The following ZNF808 variants were observed in gnomAD, a reference collection of about 807,000 sequenced individuals.
ZNF808 encodes zinc finger protein 808.
ZNF808 carries 5 observed loss-of-function variants against 8.7 expected under a neutral mutation model. That is an observed-to-expected ratio of 0.58 (90% CI 0.30 to 1.21). The LOEUF (loss-of-function observed/expected upper bound fraction) is 1.21. Ranked by LOEUF, ZNF808 falls within the 50% of genes most tolerant of loss-of-function variation. ZNF808 has a pLI of 0.07. For synonymous variants in ZNF808, 380 were observed against 366.0 expected (o/e 1.04, Z -0.44); for missense variants, 1,103 against 1,098.4 (o/e 1.00, Z -0.06).
At chr19:52,529,237 C>G (rs1420690945) in intron 1 of ZNF808, among the ~76,000 whole-genome samples, 1 of 149,518 alleles carries the variant, frequency 6.7e-6, no homozygotes, top group African/African-American at 2.5e-5. Context: ...AAGGAAATAA[C>G]GGGGCATAAT....
intron 1 of ZNF808, among the ~76,000 whole-genome samples, chr19:52,528,780 A>T (rs1379490689): frequency 6.6e-6 from 1 of 152,082 alleles, no homozygotes; most frequent in African/African-American, 2.4e-5. Context: ...ATCAGGGAAG[A>T]GAGAATTTAA....
downstream of ZNF808, among the ~76,000 whole-genome samples, chr19:52,568,677 C>T (rs1308545363): frequency 6.6e-6 from 1 of 152,182 alleles, no homozygotes; most frequent in East Asian, 1.9e-4. Context: ...ACGCTGACCC[C>T]ATTCATTTGG....
downstream of ZNF808, among the ~76,000 whole-genome samples, chr19:52,561,302 CAT>C (rs1171944986): frequency 6.7e-6 from 1 of 150,014 alleles, no homozygotes; most frequent in Non-Finnish European, 1.5e-5. Context: ...GTTTGTTACA[CAT>C]GTATACATGT....
rs1373649268 is a variant in ZNF808, at chr19:52,555,675, A to G, written c.*47A>G. On this transcript the variant is annotated 3_prime_UTR_variant, in exon 5 of 5. Transcript: ENST00000359798. ...TTCAGTAACACTACAACAATTGCAA[A>G]TCATTGGAGAATCCATGATGAAGAG... 3 of 1,565,924 alleles carry G rather than the reference A, an allele frequency of 1.9e-6. No individual in the cohort carries two copies. The highest frequency in any genetic ancestry group is 2.6e-6 in the Non-Finnish European group (3 of 1,158,302).
chr19:52,529,456 T>C (rs938061262), intron 1 of ZNF808, among the ~76,000 whole-genome samples: 15 of 152,180 alleles, frequency 9.9e-5, no homozygotes, highest in African/African-American at 3.6e-4. Context: ...TTGTGACATG[T>C]TGACTTCCCT....
chr19:52,535,108 G>C (rs186740756), intron 2 of ZNF808, among the ~76,000 whole-genome samples: 2 of 150,906 alleles, frequency 1.3e-5, no homozygotes, highest in African/African-American at 2.4e-5. Flanking sequence ...GAGGTGGGCG[G>C]ATCACAAGGT....
At chr19:52,540,653 T>G (rs2123116727) in intron 2 of ZNF808, among the ~76,000 whole-genome samples, 2 of 152,262 alleles carry the variant, frequency 1.3e-5, no homozygotes, top group Non-Finnish European at 2.9e-5. Context: ...GTCCCCTCAA[T>G]TCCCTCTGGT....
downstream of ZNF808, among the ~76,000 whole-genome samples, chr19:52,566,620 C>T (rs1410641773): frequency 6.6e-6 from 1 of 152,114 alleles, no homozygotes; most frequent in Admixed American, 6.6e-5. Flanking sequence ...GGCAGAAGCT[C>T]AGTCTGTCAG....
intron 4 of ZNF808, among the ~76,000 whole-genome samples, chr19:52,549,127 C>G (rs2059751089): frequency 6.6e-6 from 1 of 152,102 alleles, no homozygotes; most frequent in Admixed American, 6.6e-5. Flanking sequence ...ACACATGCAC[C>G]ACCATGCCCG....
chr19:52,550,481 C>T (rs1221030912), intron 4 of ZNF808, among the ~76,000 whole-genome samples: 2 of 151,854 alleles, frequency 1.3e-5, no homozygotes, highest in African/African-American at 4.8e-5. Flanking sequence ...CTACCTACCT[C>T]AGCCTCCCAA....
chr19:52,541,436 A>T (rs927309652), intron 2 of ZNF808, among the ~76,000 whole-genome samples: 5 of 151,964 alleles, frequency 3.3e-5, no homozygotes, highest in Non-Finnish European at 5.9e-5. Flanking sequence ...AGGCAATCAC[A>T]TGGGAATCAG....
At chr19:52,550,851 G>A (rs564997261) in intron 4 of ZNF808, among the ~76,000 whole-genome samples, 2 of 152,244 alleles carry the variant, frequency 1.3e-5, no homozygotes, top group South Asian at 4.1e-4. Context: ...TGTTTAATAA[G>A]ATTTTTCAGC....
chr19:52,528,161 C>T (rs111852698), intron 1 of ZNF808, among the ~76,000 whole-genome samples: 20 of 152,228 alleles, frequency 1.3e-4, no homozygotes, highest in African/African-American at 3.6e-4. Flanking sequence ...AAGGCGCCGT[C>T]CCCCCTCCTC....
In ZNF808 at chr19:52,555,928, A is replaced by G. The variant is rs2059832313; in HGVS notation, c.*300A>G. 4 of 666,042 alleles carry G rather than the reference A, an allele frequency of 6.0e-6. No homozygotes were observed. Among genetic ancestry groups the G allele is most frequent in the Admixed American group, 5.6e-5 (3 of 53,546 alleles). The allele number at this position is 666,042 out of a possible 1,614,324, so 41.3% of individuals were successfully genotyped here. A position where few individuals can be genotyped will look rare whatever the true frequency, so the allele number is the denominator to read the frequency against. On this transcript the variant is annotated 3_prime_UTR_variant, in exon 5 of 5. Transcript: ENST00000359798. ...ACTTCACATTCACACCTCGTTGGAC[A>G]TCAGAGAATCCATACTGGACAGAAA... is the stretch of plus-strand genomic sequence containing the variant.
chr19:52,534,588 G>A (rs1392849021), intron 2 of ZNF808, among the ~76,000 whole-genome samples: 3 of 152,080 alleles, frequency 2.0e-5, no homozygotes, highest in Non-Finnish European at 2.9e-5. Flanking sequence ...TTTAAAAAGT[G>A]AAGTAAAGAA....
intron 3 of ZNF808, among the ~76,000 whole-genome samples, chr19:52,545,747 T>G (rs1468688639): frequency 6.6e-6 from 1 of 151,768 alleles, no homozygotes; most frequent in South Asian, 2.1e-4. Flanking sequence ...GCCACTGTAT[T>G]CCAGCCTGTG....
At chr19:52,568,665 G>C (rs1285453789), downstream of ZNF808, among the ~76,000 whole-genome samples, 1 of 152,138 alleles carries the variant, frequency 6.6e-6, no homozygotes, top group Non-Finnish European at 1.5e-5. Context: ...CTCTACTTGG[G>C]AACGCTGACC....
chr19:52,538,967 C>T (rs928452921), intron 2 of ZNF808, among the ~76,000 whole-genome samples: 60 of 152,060 alleles, frequency 3.9e-4, no homozygotes, highest in African/African-American at 1.4e-3. Flanking sequence ...AGGCAGCTTC[C>T]CTCTGCAACC....
At chr19:52,536,725 A>AAC (rs2059615576) in intron 2 of ZNF808, among the ~76,000 whole-genome samples, 1 of 151,770 alleles carries the variant, frequency 6.6e-6, no homozygotes, top group Non-Finnish European at 1.5e-5. Flanking sequence ...AGAGGGAGAA[A>AAC]CACAGCAGGG....
Sources: gnomAD v4.1 joint callset for allele counts (sites outside exome capture counted in the v4.1 genomes callset) on GRCh38, gnomAD v4.1.1 for gene constraint, MANE v1.5 for transcripts, NCBI Gene and HGNC (gene_info 2026-07-23, HGNC 2026-07-21) for gene names.